The following POGK variants were observed in gnomAD, a reference collection of about 807,000 sequenced individuals.
POGK encodes pogo transposable element derived with KRAB domain.
Under a neutral mutation model 54.4 loss-of-function variants are expected in POGK, and 16 were observed. The ratio of observed to expected loss-of-function variants is 0.29; its 90% CI spans 0.20 to 0.45. The LOEUF (loss-of-function observed/expected upper bound fraction) is 0.45, where lower values mean the gene tolerates loss of function less well. POGK is among the 20% of genes least tolerant of loss of function. The pLI, the probability that POGK is intolerant of heterozygous loss-of-function variation, is 1.00. For synonymous variants in POGK, 271 were observed against 302.2 expected (o/e 0.90, Z 1.07); for missense variants, 515 against 795.6 (o/e 0.65, Z 4.24).
At chr1:166,843,480 G>C (rs983840392) in intron 2 of POGK, among the ~76,000 whole-genome samples, 8 of 152,246 alleles carry the variant, frequency 5.3e-5, no homozygotes, top group Non-Finnish European at 1.0e-4. Flanking sequence ...TTCTAGCTCT[G>C]TGACCTTGGA....
At chr1:166,844,713 A>G (rs1657763747) in intron 2 of POGK, among the ~76,000 whole-genome samples, 1 of 152,202 alleles carries the variant, frequency 6.6e-6, no homozygotes, top group African/African-American at 2.4e-5. Flanking sequence ...GGGAAGCAAA[A>G]AGGAGTAAGT....
chr1:166,850,241 G>A lies in POGK; in HGVS notation c.1662G>A (p.Ala554=), dbSNP rs368794112. ...LGLFLEWVMV[A]WNSISSESIV... The stretch of plus-strand genomic sequence containing the variant: ...TCTTTCTGGAGTGGGTCATGGTCGC[G>A]TGGAATAGCATCTCAAGTGAGTCCA... Residue 554 remains alanine (A), a synonymous_variant, in exon 5 of 6, where the codon GCG becomes GCA. Coordinates refer to ENST00000367876, the MANE Select transcript of POGK (RefSeq NM_017542.5). 3.8e-5 allele frequency: 59 copies of A among 1,559,490 alleles called. No individual in the cohort carries two copies. Among genetic ancestry groups the A allele is most frequent in the East Asian group, 3.6e-4 (15 of 41,554 alleles).
At chr1:166,852,051 C>G (rs1658086492) in intron 5 of POGK, 1 of 152,208 alleles carries the variant, frequency 6.6e-6, no homozygotes, top group African/African-American at 2.4e-5. Context: ...CTATTACATT[C>G]AAAATCACCA....
In POGK at chr1:166,853,540, T is replaced by G. The variant is rs936895881; in HGVS notation, c.*970T>G. Reference sequence around the variant, plus strand: ...CACAGCTGTTTTAAGACTTCTGATCTCCTGCCCTGCAGGAATAGGTGGGAA... The same window carrying G: ...CACAGCTGTTTTAAGACTTCTGATCGCCTGCCCTGCAGGAATAGGTGGGAA... On this transcript the variant is annotated 3_prime_UTR_variant, in exon 6 of 6. Transcript: ENST00000367876. The G allele has an allele frequency of 1.4e-4, 21 of 152,684 alleles. No individual in the cohort carries two copies. The highest frequency in any genetic ancestry group is 5.1e-4 in the African/African-American group (21 of 41,460). The allele number at this position is 152,684 out of a possible 1,614,324, so 9.5% of individuals were successfully genotyped here.
rs971476963 is a variant in POGK, at chr1:166,846,574, C to G, written c.133-38C>G. 1.1e-5 allele frequency: 18 copies of G among 1,612,958 alleles called. No homozygotes were observed. In the African/African-American group the frequency reaches 1.9e-4, roughly 17 times the overall value. ...CGCTCTGAAAGTCTGTCTGCATATG[C>G]CTGTTTGTCATTGTGAAAGGGCTGT... On this transcript the variant is annotated intron_variant, in intron 2 of 5. Transcript: ENST00000367876.
At chr1:166,839,881 G>T in intron 1 of POGK, 1 of 151,906 alleles carries the variant, frequency 6.6e-6, no homozygotes, top group South Asian at 1.9e-4. Context: ...AAGATGGCTG[G>T]AGAAATCCGA....
At chr1:166,847,344 A>T (rs1657889213) in intron 3 of POGK, 150 bp from the exon 4 acceptor site, 1 of 598,498 alleles carries the variant, frequency 1.7e-6, no homozygotes, top group Admixed American at 3.0e-5. Flanking sequence ...ATTTTCCATT[A>T]TCTTTTTTCT....
In POGK at chr1:166,855,990, G is replaced by A. The variant is rs549290999; in HGVS notation, c.*3420G>A. 1 of 152,198 alleles carries A rather than the reference G, an allele frequency of 6.6e-6. No individual in the cohort carries two copies. Among genetic ancestry groups the A allele is most frequent in the East Asian group, 1.9e-4 (1 of 5,190 alleles). The allele number at this position is 152,198 out of a possible 1,614,324, so 9.4% of individuals were successfully genotyped here. ...GGCTTGTGCCAAGAACTGAAACTAA[G>A]CTATTGATTTTTTTTTAAGAAGTCT... On this transcript the variant is annotated 3_prime_UTR_variant, in exon 6 of 6. Coordinates refer to ENST00000367876, the MANE Select transcript of POGK (RefSeq NM_017542.5).
intron 2 of POGK, among the ~76,000 whole-genome samples, chr1:166,844,269 C>T (rs1390031883): frequency 1.3e-5 from 2 of 152,080 alleles, no homozygotes; most frequent in Non-Finnish European, 2.9e-5. Flanking sequence ...GTATTGATGG[C>T]CCCTCTGAAA....
At chr1:166,845,766 T>A (rs1657820789) in intron 2 of POGK, among the ~76,000 whole-genome samples, 1 of 152,084 alleles carries the variant, frequency 6.6e-6, no homozygotes, top group Non-Finnish European at 1.5e-5. Flanking sequence ...TAATAAGAAA[T>A]ACAGTTAAAA....
chr1:166,842,173 A>G (rs978934673), intron 2 of POGK, among the ~76,000 whole-genome samples: 3 of 152,212 alleles, frequency 2.0e-5, no homozygotes. Context: ...CAAGGCAGTC[A>G]AAACTCAGGG....
Position 166,841,763 on chromosome 1 carries a change from C to T in POGK, c.132+675C>T, listed in dbSNP as rs115482535. Among the ~76,000 whole-genome samples, 405 of 152,196 alleles carry T rather than the reference C, an allele frequency of 2.7e-3. 1 individual carries two copies. Among genetic ancestry groups the T allele is most frequent in the Non-Finnish European group, 4.4e-3 (298 of 68,012 alleles). ...ACATTCCTTTTCTCTGCTTATTTTC[C>T]GTTGTGTATAAACATTGTCAGTATA... On this transcript the variant is annotated intron_variant, in intron 2 of 5. Coordinates refer to ENST00000367876, the MANE Select transcript of POGK (RefSeq NM_017542.5).
chr1:166,849,703 G>A lies in POGK; in HGVS notation c.1124G>A (p.Arg375Gln), dbSNP rs527354607. The change falls in exon 5 of 6, where the codon CGG (arginine) becomes CAG (glutamine). Residue 375 changes from arginine (R) to glutamine (Q), a missense_variant. By Grantham distance (43) the Arg-to-Gln change is conservative (BLOSUM62 1). Coordinates refer to ENST00000367876, the MANE Select transcript of POGK (RefSeq NM_017542.5). ...CCCATTTGTTTAGAGGTGCCATCAC[G>A]GGTAACTGTTGATAACCAGGGCGAA... The part of the protein sequence containing the change: ...ETPICLEVPS[R>Q]VTVDNQGEKP... 1.7e-5 allele frequency: 27 copies of A among 1,614,268 alleles called. No homozygotes were observed. Among genetic ancestry groups the A allele is most frequent in the East Asian group, 2.2e-5 (1 of 44,876 alleles).
chr1:166,847,052 C>T (rs935220336), intron 3 of POGK, among the ~76,000 whole-genome samples: 1 of 152,192 alleles, frequency 6.6e-6, no homozygotes, highest in African/African-American at 2.4e-5. Context: ...CGAGAGAAGG[C>T]AGGCGTTAAT....
chr1:166,840,985 T>G lies in POGK; in HGVS notation c.29T>G (p.Leu10Trp). MESTAYPLN[L>W]SLKEEEEEEE... ...GAGTCCACAGCCTACCCTCTCAATT[T>G]GAGCCTGAAAGAAGAGGAAGAGGAA... Residue 10 changes from leucine (L) to tryptophan (W), a missense_variant, in exon 2 of 6, where the codon TTG becomes TGG. Around this residue, in one of 2 missense-constraint regions of POGK, gnomAD observed 54 missense variants for 52.0 expected, o/e 1.04. Coordinates refer to ENST00000367876, the MANE Select transcript of POGK (RefSeq NM_017542.5). The G allele has an allele frequency of 6.2e-7, 1 of 1,614,010 alleles. No individual in the cohort carries two copies. The highest frequency in any genetic ancestry group is 8.5e-7 in the Non-Finnish European group (1 of 1,179,954).
Position 166,850,510 on chromosome 1 carries a change from A to G in POGK, c.*14+87A>G. On this transcript the variant is annotated intron_variant, in intron 5 of 5. Transcript: ENST00000367876. ...TTCTCTCCATTATTTTTCTGTTTTTAAGTTCCCTTAGAGCCTACAGTGCAG... is the reference window on the plus strand; with the variant it reads ...TTCTCTCCATTATTTTTCTGTTTTTGAGTTCCCTTAGAGCCTACAGTGCAG... 4.9e-6 allele frequency: 7 copies of G among 1,419,132 alleles called. No homozygotes were observed. The South Asian group carries it at 1.0e-4, about 21-fold the overall frequency. The allele number at this position is 1,419,132 out of a possible 1,614,324, so 87.9% of individuals were successfully genotyped here.
rs3830715 is a variant in POGK at position 166,853,692 on chromosome 1, G to GA, written c.*1125dup. 0.39 allele frequency: 60,086 copies of GA among 152,534 alleles called. 12,180 individuals carry two copies. Among genetic ancestry groups the GA allele is most frequent in the East Asian group, 0.7 (3,594 of 5,170 alleles). The allele number at this position is 152,534 out of a possible 1,614,324, so 9.4% of individuals were successfully genotyped here. On this transcript the variant is annotated 3_prime_UTR_variant, in exon 6 of 6. Coordinates refer to ENST00000367876, the MANE Select transcript of POGK (RefSeq NM_017542.5). ...GACCTCACAGACAAAGCCATTGCTA[G>GA]AAATGTCATTCCAATGATCAGATCT...
chr1:166,846,004 G>C (rs1296731106), intron 2 of POGK, among the ~76,000 whole-genome samples: 1 of 152,132 alleles, frequency 6.6e-6, no homozygotes. Flanking sequence ...GATTGGAAAG[G>C]CCAAATAGGG....
chr1:166,843,396 G>A (rs1340958353), intron 2 of POGK, among the ~76,000 whole-genome samples: 1 of 152,212 alleles, frequency 6.6e-6, no homozygotes, highest in East Asian at 1.9e-4. Flanking sequence ...TCTAAGGGAG[G>A]CCTCAGGCTC....
Sources: allele counts gnomAD v4.1 joint callset (sites outside exome capture counted in the v4.1 genomes callset), GRCh38; gene constraint gnomAD v4.1.1; regional missense constraint gnomAD v4.1.1; transcripts MANE v1.5; gene names NCBI Gene and HGNC (gene_info 2026-07-23, HGNC 2026-07-21).